The following FBXL2 variants were observed in gnomAD, a reference collection of about 807,000 sequenced individuals.
FBXL2 encodes the protein F-box/LRR-repeat protein 2.
FBXL2 carries 38 observed loss-of-function variants against 69.2 expected under a neutral mutation model. The observed-to-expected ratio is 0.55, with a 90% CI of 0.42 to 0.72. The LOEUF is 0.72. FBXL2 is among the 30% of genes least tolerant of loss of function. The pLI is 0.00. For missense variants in FBXL2, 354 were observed against 520.3 expected, an observed-to-expected ratio of 0.68 and a Z score of 3.11; for synonymous variants, 192 against 201.3, an observed-to-expected ratio of 0.95 and a Z score of 0.39.
intron 1 of FBXL2, among the ~76,000 whole-genome samples, chr3:33,293,424 G>A (rs976773340): frequency 1.6e-4 from 24 of 152,168 alleles, no homozygotes; most frequent in African/African-American, 5.3e-4. Context: ...CATGCCCAAG[G>A]TTTACAAAGG....
intron 4 of FBXL2, among the ~76,000 whole-genome samples, chr3:33,362,393 C>A (rs1388753046): frequency 6.6e-6 from 1 of 152,120 alleles, no homozygotes; most frequent in Non-Finnish European, 1.5e-5. Flanking sequence ...TTCTCTAAAG[C>A]CCTTCATTCT....
In FBXL2 at chr3:33,379,575, G is replaced by A. The variant is rs577812419; in HGVS notation, c.951+834G>A. Among the ~76,000 whole-genome samples, 17 of 150,666 alleles carry A rather than the reference G, an allele frequency of 1.1e-4. No individual in the cohort carries two copies. In the East Asian group the frequency reaches 2.5e-3, roughly 23 times the overall value. ...TCACCATGTTGGCCTGGCTGGTCTC[G>A]AACTCCTGACCTCAAGTGATCCACC... On this transcript the variant is annotated intron_variant, in intron 13 of 14. Transcript: ENST00000484457.
the FBXL2 span, among the ~76,000 whole-genome samples, chr3:33,420,232 G>C: frequency 6.6e-6 from 1 of 152,156 alleles, no homozygotes; most frequent in East Asian, 1.9e-4. Context: ...TGTGAAAAAT[G>C]AAACTAAGCA....
chr3:33,295,370 A>G (rs573594668), intron 1 of FBXL2, among the ~76,000 whole-genome samples: 7 of 152,340 alleles, frequency 4.6e-5, no homozygotes, highest in Admixed American at 3.3e-4. Context: ...TCTGCTTTCA[A>G]TAGCATATTT....
the FBXL2 span, among the ~76,000 whole-genome samples, chr3:33,411,146 G>A: frequency 1.3e-5 from 2 of 151,882 alleles, no homozygotes; most frequent in East Asian, 1.9e-4. Context: ...CTAAAGCCAG[G>A]TGATGGTTAC....
At chr3:33,327,252 T>C (rs754863288) in intron 2 of FBXL2, among the ~76,000 whole-genome samples, 3 of 152,170 alleles carry the variant, frequency 2.0e-5, no homozygotes, top group Non-Finnish European at 2.9e-5. Context: ...GGCTCAAAAG[T>C]TGAATGGCAT....
chr3:33,284,193 A>G (rs2034350483), intron 1 of FBXL2, among the ~76,000 whole-genome samples: 2 of 152,236 alleles, frequency 1.3e-5, no homozygotes, highest in Admixed American at 6.5e-5. Flanking sequence ...ATTTAGTGCT[A>G]TAAATTTCCC....
chr3:33,421,554 G>A, the FBXL2 span, among the ~76,000 whole-genome samples: 9 of 152,286 alleles, frequency 5.9e-5, 1 homozygote, highest in African/African-American at 2.2e-4. Flanking sequence ...ACAGGCATGC[G>A]CCACCGCACC....
chr3:33,320,670 G>A (rs773850456), intron 2 of FBXL2, among the ~76,000 whole-genome samples: 5 of 151,730 alleles, frequency 3.3e-5, no homozygotes, highest in African/African-American at 4.8e-5. Flanking sequence ...TAGTAGAGAC[G>A]GGGTTTCACC....
At chr3:33,393,033 G>A (rs1036205490), downstream of FBXL2, 2 of 364,884 alleles carry the variant, frequency 5.5e-6, no homozygotes, top group African/African-American at 4.2e-5. Context: ...TCATAAAAAG[G>A]GCCAAAGCCT....
At chr3:33,316,904 T>C (rs920261848) in intron 2 of FBXL2, among the ~76,000 whole-genome samples, 5 of 152,120 alleles carry the variant, frequency 3.3e-5, no homozygotes, top group African/African-American at 1.2e-4. Context: ...TTTTCTTTTT[T>C]CTTCTTCTTT....
At chr3:33,366,386 G>T (rs2041952011) in intron 5 of FBXL2, among the ~76,000 whole-genome samples, 1 of 152,058 alleles carries the variant, frequency 6.6e-6, no homozygotes, top group Non-Finnish European at 1.5e-5. Context: ...CATTTCTGGG[G>T]GTGTGTTCAG....
downstream of FBXL2, chr3:33,392,488 CGA>C: frequency 2.4e-6 from 3 of 1,244,506 alleles, no homozygotes; most frequent in South Asian, 4.3e-5. Flanking sequence ...AGAATAAACA[CGA>C]GAGGCACTAA....
At chr3:33,342,711 C>CT (rs71070130) in intron 2 of FBXL2, among the ~76,000 whole-genome samples, 1,851 of 37,684 alleles carry the variant, frequency 0.049, 608 homozygotes, top group Non-Finnish European at 0.068. Context: ...AATATAACTT[C>CT]TTTTTTTTTT....
At chr3:33,326,923 A>G (rs1484249361) in intron 2 of FBXL2, among the ~76,000 whole-genome samples, 7 of 152,218 alleles carry the variant, frequency 4.6e-5, no homozygotes, top group African/African-American at 1.7e-4. Flanking sequence ...AAGTTGTCAC[A>G]TTCTGAAGCT....
At chr3:33,306,642 C>A (rs1189542572) in intron 2 of FBXL2, among the ~76,000 whole-genome samples, 6 of 152,158 alleles carry the variant, frequency 3.9e-5, no homozygotes, top group Non-Finnish European at 8.8e-5. Context: ...TTCCCACAGT[C>A]TGGATGCTTA....
intron 2 of FBXL2, among the ~76,000 whole-genome samples, chr3:33,355,024 G>C (rs1236061161): frequency 2.6e-5 from 4 of 152,196 alleles, no homozygotes; most frequent in South Asian, 4.2e-4. Context: ...GACCTCCCCG[G>C]GCTCTGTTAG....
At chr3:33,367,791 C>T (rs2042048930) in intron 5 of FBXL2, among the ~76,000 whole-genome samples, 1 of 151,428 alleles carries the variant, frequency 6.6e-6, no homozygotes, top group South Asian at 2.1e-4. Flanking sequence ...TCTCTAGTTT[C>T]TTAAGATGGA....
intron 2 of FBXL2, among the ~76,000 whole-genome samples, chr3:33,314,383 C>T (rs1461805822): frequency 1.3e-5 from 2 of 152,148 alleles, no homozygotes; most frequent in African/African-American, 4.8e-5. Flanking sequence ...ATGAGTTCAA[C>T]TTTTTTACAT....
Sources: gnomAD v4.1 joint callset for allele counts (sites outside exome capture counted in the v4.1 genomes callset) on GRCh38, gnomAD v4.1.1 for gene constraint, MANE v1.5 for transcripts, NCBI Gene and HGNC (gene_info 2026-07-23, HGNC 2026-07-21) for gene names.